Variants in PARD3B observed in about 807,000 individuals in gnomAD.
PARD3B encodes partitioning defective 3 homolog B.
PARD3B carries 103 observed loss-of-function variants against 130.2 expected under a neutral mutation model. The ratio of observed to expected loss-of-function variants is 0.79; its 90% confidence interval spans 0.67 to 0.93. The LOEUF (loss-of-function observed/expected upper bound fraction) is 0.93. PARD3B is among the 40% of genes least tolerant of loss of function. The pLI is 0.00. For missense variants in PARD3B, 1,609 were observed against 1,499.2 expected (o/e 1.07, Z -1.21); for synonymous variants, 583 against 553.2 (o/e 1.05, Z -0.76).
At chr2:204,925,836 G>A (rs1687573688) in intron 2 of PARD3B, among the ~76,000 whole-genome samples, 1 of 152,066 alleles carries the variant, frequency 6.6e-6, no homozygotes, top group South Asian at 2.1e-4. Flanking sequence ...GATCATGGGG[G>A]CATTTTCCCC....
Position 205,458,915 on chromosome 2 carries a change from AT to A in PARD3B, c.3044+18247del, listed in dbSNP as rs1470922892. Among the ~76,000 whole-genome samples the A allele has an allele frequency of 1.3e-5, 2 of 152,124 alleles. No homozygotes were observed. The highest frequency in any genetic ancestry group is 2.9e-5 in the Non-Finnish European group (2 of 67,998). On this transcript the variant is annotated intron_variant, in intron 20 of 22. Coordinates refer to ENST00000406610, the MANE Select transcript of PARD3B (RefSeq NM_001302769.2). The surrounding 1 kb of genome is among the most constrained non-coding windows in gnomAD (Gnocchi z 4.8). ...TTTGATTGAGATCACTAGAAGCTGG[AT>A]TTTAGTTATGTGAGGGGTAGTGTAT...
At chr2:204,831,550 C>G (rs904969381) in intron 2 of PARD3B, among the ~76,000 whole-genome samples, 3 of 152,142 alleles carry the variant, frequency 2.0e-5, no homozygotes, top group Non-Finnish European at 2.9e-5. Context: ...TGGTAATGTT[C>G]CTAAGATACA....
chr2:204,618,082 G>C (rs1444515799), intron 1 of PARD3B, among the ~76,000 whole-genome samples: 1 of 152,166 alleles, frequency 6.6e-6, no homozygotes, highest in African/African-American at 2.4e-5. Context: ...TTTCTCCAAA[G>C]TTATTTCTTC....
At chr2:204,857,159 A>G (rs2044981382) in intron 2 of PARD3B, among the ~76,000 whole-genome samples, 1 of 152,206 alleles carries the variant, frequency 6.6e-6, no homozygotes, top group South Asian at 2.1e-4. Flanking sequence ...TGAATGCTGC[A>G]TATCAATCCC....
chr2:204,567,261 C>T (rs1029624909), intron 1 of PARD3B, among the ~76,000 whole-genome samples: 1 of 151,986 alleles, frequency 6.6e-6, no homozygotes, highest in African/African-American at 2.4e-5. Context: ...GTGTATAGTT[C>T]AGTAGCATTA....
rs191434672 is a variant in PARD3B, at chr2:205,584,454, G to A, written c.3261-31002G>A. Among the ~76,000 whole-genome samples, 299 of 152,220 alleles carry A rather than the reference G, an allele frequency of 2.0e-3. 1 individual carries two copies. Among genetic ancestry groups the A allele is most frequent in the Non-Finnish European group, 2.6e-3 (180 of 68,010 alleles). ...GCACTTTAGGAGGCCGAGGCAGGCC[G>A]ATCACCTGACGTCAGGAGTTCGAGA... On this transcript the variant is annotated intron_variant, in intron 22 of 22. Transcript: ENST00000406610. The surrounding 1 kb of genome is among the most constrained non-coding windows in gnomAD (Gnocchi z 5.5).
At chr2:205,441,498 G>A (rs1000858917) in intron 20 of PARD3B, among the ~76,000 whole-genome samples, 9 of 152,188 alleles carry the variant, frequency 5.9e-5, no homozygotes, top group African/African-American at 9.6e-5. Context: ...CTAGCTTGAC[G>A]TCTGGAGGGA....
chr2:205,498,237 C>A (rs1173078114), intron 20 of PARD3B, among the ~76,000 whole-genome samples: 1 of 149,110 alleles, frequency 6.7e-6, no homozygotes, highest in African/African-American at 2.5e-5. Context: ...CGTGGTGGCT[C>A]ACGCCTGTAA....
intron 2 of PARD3B, among the ~76,000 whole-genome samples, chr2:204,942,125 A>G (rs914346697): frequency 6.6e-6 from 1 of 152,214 alleles, no homozygotes; most frequent in Non-Finnish European, 1.5e-5. Context: ...CATGTAAATC[A>G]GCCTTCTTTA....
intron 20 of PARD3B, among the ~76,000 whole-genome samples, chr2:205,454,540 G>T (rs1477198867): frequency 6.6e-6 from 1 of 152,116 alleles, no homozygotes; most frequent in Non-Finnish European, 1.5e-5. Flanking sequence ...AGGAGCCATT[G>T]TTTTGCACAG....
chr2:204,989,370 C>A (rs1693445929), intron 3 of PARD3B, among the ~76,000 whole-genome samples: 1 of 152,164 alleles, frequency 6.6e-6, no homozygotes, highest in African/African-American at 2.4e-5. Context: ...GAACTGGAAG[C>A]ACTTACATAG....
intron 2 of PARD3B, among the ~76,000 whole-genome samples, chr2:204,883,166 C>T (rs1024349788): frequency 6.6e-6 from 1 of 151,664 alleles, no homozygotes; most frequent in Admixed American, 6.6e-5. Context: ...TAATTACTTA[C>T]CCAATAAATA....
intron 19 of PARD3B, among the ~76,000 whole-genome samples, chr2:205,419,460 T>C (rs2046891280): frequency 6.6e-6 from 1 of 152,124 alleles, no homozygotes; most frequent in Admixed American, 6.6e-5. Context: ...ACAAGCACCA[T>C]AGTAAAAAAT....
intron 21 of PARD3B, among the ~76,000 whole-genome samples, chr2:205,533,978 T>C (rs2051721597): frequency 6.6e-6 from 1 of 151,600 alleles, no homozygotes; most frequent in Admixed American, 6.6e-5. Flanking sequence ...TTACAAAGAC[T>C]TCCCATTCTG....
intron 1 of PARD3B, among the ~76,000 whole-genome samples, chr2:204,639,026 C>G (rs540226738): frequency 7.2e-5 from 11 of 152,186 alleles, no homozygotes; most frequent in Admixed American, 2.6e-4. Context: ...CTCTGTAGAT[C>G]CCAGCCTGCT....
At chr2:205,212,384 T>A (rs1034530126) in intron 15 of PARD3B, among the ~76,000 whole-genome samples, 3 of 152,106 alleles carry the variant, frequency 2.0e-5, no homozygotes, top group Admixed American at 6.6e-5. Context: ...ACTCATTTGA[T>A]CACAGAAACT....
At chr2:204,781,481 CTG>C (rs1394608685) in intron 2 of PARD3B, among the ~76,000 whole-genome samples, 1 of 152,116 alleles carries the variant, frequency 6.6e-6, no homozygotes, top group African/African-American at 2.4e-5. Context: ...CCACAATTGA[CTG>C]TATCACAGAA....
chr2:205,158,835 C>T lies in PARD3B; in HGVS notation c.1548C>T (p.Asn516=). 2 of 1,614,100 alleles carry T rather than the reference C, an allele frequency of 1.2e-6. No homozygotes were observed. Among genetic ancestry groups the T allele is most frequent in the South Asian group, 2.2e-5 (2 of 91,082 alleles). Residue 516 remains asparagine (N), a synonymous_variant, in exon 11 of 23, where the codon AAC becomes AAT. Coordinates refer to ENST00000406610, the MANE Select transcript of PARD3B (RefSeq NM_001302769.2). The surrounding 1 kb of genome is among the most constrained non-coding windows in gnomAD (Gnocchi z 5.4). Reference sequence around the variant, plus strand: ...GCCTCGGGGTGAGCTTAAAAGGGAACAAATCCAGAGAAACTGGAACAGACT... The same window carrying T: ...GCCTCGGGGTGAGCTTAAAAGGGAATAAATCCAGAGAAACTGGAACAGACT... The part of the protein sequence containing the change: ...SAGLGVSLKG[N]KSRETGTDLG...
rs533257666 is a variant in PARD3B, at chr2:204,853,868, A to G, written c.223-111284A>G. ...ATTGCACAAATAAGTGTATAATTAC[A>G]AGTTGTGGTAAATGCTAGGTAGAAA... On this transcript the variant is annotated intron_variant, in intron 2 of 22. Transcript: ENST00000406610. Among the ~76,000 whole-genome samples, 282 of 152,304 alleles carry G rather than the reference A, an allele frequency of 1.9e-3. 2 individuals are homozygous for G. Among genetic ancestry groups the G allele is most frequent in the Non-Finnish European group, 3.3e-3 (222 of 68,022 alleles).
Sources: allele counts gnomAD v4.1 joint callset (sites outside exome capture counted in the v4.1 genomes callset), GRCh38; gene constraint gnomAD v4.1.1; non-coding constraint Gnocchi (gnomAD v3.1); transcripts MANE v1.5; gene names NCBI Gene and HGNC (gene_info 2026-07-23, HGNC 2026-07-21).